The following ZFYVE16 variants were observed in gnomAD, a reference collection of about 807,000 sequenced individuals.
ZFYVE16 encodes zinc finger FYVE domain-containing protein 16.
ZFYVE16 carries 89 observed loss-of-function variants against 138.1 expected under a neutral mutation model. That is an observed-to-expected ratio of 0.64 (90% CI 0.54 to 0.77). The LOEUF (loss-of-function observed/expected upper bound fraction) is 0.77. ZFYVE16 is among the 30% of genes least tolerant of loss of function. ZFYVE16 has a pLI of 0.00. For synonymous variants in ZFYVE16, 596 were observed against 618.3 expected (o/e 0.96, Z 0.53); for missense variants, 1,793 against 1,786.7 (o/e 1.00, Z -0.06).
Position 80,437,262 on chromosome 5 carries a change from A to G in ZFYVE16, c.577A>G (p.Ser193Gly). ...DTVREQQNDI[S>G]SELQNREIGG... Reference sequence around the variant, plus strand: ...TGTCAGAGAACAACAGAATGATATCAGTTCTGAATTACAAAATAGAGAAAT... The same window carrying G: ...TGTCAGAGAACAACAGAATGATATCGGTTCTGAATTACAAAATAGAGAAAT... Residue 193 changes from serine (S) to glycine (G), a missense_variant, in exon 4 of 19, where the codon AGT becomes GGT. Ser to Gly is a moderately conservative substitution (Grantham distance 56). Around this residue, in one of 2 missense-constraint regions of ZFYVE16, gnomAD observed 1,295 missense variants for 1,204.3 expected, o/e 1.08. Coordinates refer to ENST00000505560, the MANE Select transcript of ZFYVE16 (RefSeq NM_001284236.3). The G allele has an allele frequency of 6.2e-7, 1 of 1,612,256 alleles. No individual in the cohort carries two copies. Among genetic ancestry groups the G allele is most frequent in the Non-Finnish European group, 8.5e-7 (1 of 1,179,084 alleles).
chr5:80,409,734 A>G (rs1745147941), intron 1 of ZFYVE16: 1 of 152,228 alleles, frequency 6.6e-6, no homozygotes, highest in African/African-American at 2.4e-5. Flanking sequence ...ACAGATACGT[A>G]GCAGGAAAAG....
At chr5:80,443,702 T>G (rs764406868) in intron 6 of ZFYVE16, 52 of 456,574 alleles carry the variant, frequency 1.1e-4, no homozygotes, top group Admixed American at 7.5e-4. Context: ...CTAGCAGCTG[T>G]ATCTGTTGGT....
At chr5:80,467,558 T>A (rs77255051) in intron 15 of ZFYVE16, among the ~76,000 whole-genome samples, 26,326 of 152,238 alleles carry the variant, frequency 0.17, 2,958 homozygotes, top group Non-Finnish European at 0.25. Context: ...TGACTACATA[T>A]GTATGACAAA....
intron 15 of ZFYVE16, among the ~76,000 whole-genome samples, chr5:80,462,910 TCTC>T (rs564114772): frequency 1.3e-4 from 20 of 152,208 alleles, no homozygotes; most frequent in Non-Finnish European, 1.9e-4. Context: ...TCTGAAATGA[TCTC>T]CTTTGACTCC....
chr5:80,448,462 A>T (rs1751635192), intron 8 of ZFYVE16, 58 bp downstream of exon 8: 3 of 1,356,624 alleles, frequency 2.2e-6, no homozygotes, highest in Non-Finnish European at 2.9e-6. Flanking sequence ...GATGAATTTT[A>T]TCTGTGACAT....
chr5:80,438,211 A>G lies in ZFYVE16; in HGVS notation c.1526A>G (p.Asp509Gly), dbSNP rs1250835018. 1 of 1,614,020 alleles carries G rather than the reference A, an allele frequency of 6.2e-7. No homozygotes were observed. Among genetic ancestry groups the G allele is most frequent in the African/African-American group, 1.3e-5 (1 of 75,034 alleles). Residue 509 changes from aspartate (D) to glycine (G), a missense_variant, in exon 4 of 19, where the codon GAT becomes GGT. Asp to Gly is a moderately conservative substitution (Grantham distance 94). Around this residue, in one of 2 missense-constraint regions of ZFYVE16, gnomAD observed 1,295 missense variants for 1,204.3 expected, o/e 1.08. Coordinates refer to ENST00000505560, the MANE Select transcript of ZFYVE16 (RefSeq NM_001284236.3). The part of the protein sequence containing the change: ...FINTFSSNDM[D>G]GQDLDYFNID... The stretch of plus-strand genomic sequence containing the variant: ...AATACTTTTTCAAGCAATGATATGG[A>G]TGGGCAAGACTTAGATTACTTTAAT...
chr5:80,466,702 T>C (rs1473543677), intron 15 of ZFYVE16, among the ~76,000 whole-genome samples: 1 of 152,196 alleles, frequency 6.6e-6, no homozygotes, highest in Admixed American at 6.5e-5. Flanking sequence ...ACTGAGATAC[T>C]GTGGAGGATG....
chr5:80,440,314 G>A (rs1407835123), intron 5 of ZFYVE16: 1 of 1,060,116 alleles, frequency 9.4e-7, no homozygotes, highest in East Asian at 7.2e-5. Context: ...CTGCCTATTT[G>A]TTTTTGTCAT....
Position 80,436,809 on chromosome 5 carries a change from T to C in ZFYVE16, c.124T>C (p.Ser42Pro), listed in dbSNP as rs989926403. 2 of 1,614,042 alleles carry C rather than the reference T, an allele frequency of 1.2e-6. No homozygotes were observed. The highest frequency in any genetic ancestry group is 8.5e-7 in the Non-Finnish European group (1 of 1,180,026). The change falls in exon 4 of 19, where the codon TCA becomes CCA. Residue 42 changes from serine to proline, a missense_variant. Around this residue, in one of 2 missense-constraint regions of ZFYVE16, gnomAD observed 1,295 missense variants for 1,204.3 expected, o/e 1.08. Coordinates refer to ENST00000505560, the MANE Select transcript of ZFYVE16 (RefSeq NM_001284236.3). ...AAATGCATATGATTCTAACCACTGCTCAGTTTCTTCAGAGTTGGCTTCCTC... is the reference window on the plus strand; with the variant it reads ...AAATGCATATGATTCTAACCACTGCCCAGTTTCTTCAGAGTTGGCTTCCTC... ...VQNAYDSNHC[S>P]VSSELASSQR...
chr5:80,412,557 C>A (rs1195785101), intron 1 of ZFYVE16, among the ~76,000 whole-genome samples: 2 of 152,020 alleles, frequency 1.3e-5, no homozygotes, highest in African/African-American at 4.8e-5. Context: ...ATACCTTTTA[C>A]AAATTATATT....
intron 2 of ZFYVE16, among the ~76,000 whole-genome samples, chr5:80,432,114 C>T (rs10942925): frequency 0.79 from 120,671 of 152,060 alleles, 50,320 homozygotes; most frequent in East Asian, 0.92. Context: ...CAAAAAAGGG[C>T]CCGCATTGCC....
intron 1 of ZFYVE16, chr5:80,409,917 G>T (rs1399023281): frequency 6.6e-6 from 1 of 152,186 alleles, no homozygotes; most frequent in Non-Finnish European, 1.5e-5. Context: ...GTTTTCTGGT[G>T]TATGCGTGCT....
chr5:80,436,350 A>G (rs1006230295), intron 3 of ZFYVE16, among the ~76,000 whole-genome samples: 1 of 152,224 alleles, frequency 6.6e-6, no homozygotes, highest in Non-Finnish European at 1.5e-5. Context: ...AAACAAAGCA[A>G]AGATCAAGGA....
At chr5:80,465,649 T>G (rs1464659057) in intron 15 of ZFYVE16, among the ~76,000 whole-genome samples, 1 of 151,908 alleles carries the variant, frequency 6.6e-6, no homozygotes, top group Non-Finnish European at 1.5e-5. Context: ...GCTCAAGCAT[T>G]CCTCCTGCCT....
chr5:80,475,344 G>A (rs753880109), intron 18 of ZFYVE16, among the ~76,000 whole-genome samples: 5 of 152,232 alleles, frequency 3.3e-5, no homozygotes, highest in Non-Finnish European at 7.3e-5. Context: ...TTTGCGGAGA[G>A]CAGCATTCAC....
chr5:80,465,310 T>C (rs1443111265), intron 15 of ZFYVE16, among the ~76,000 whole-genome samples: 1 of 151,626 alleles, frequency 6.6e-6, no homozygotes, highest in South Asian at 2.1e-4. Context: ...ACATAAACTT[T>C]CTGGTTAACA....
Position 80,437,964 on chromosome 5 carries a change from C to T in ZFYVE16, c.1279C>T (p.Pro427Ser). ...GAACAGTGTTGTTCTAGGTGGGGAA[C>T]CATTCAAAGAGAATGATCTTTTGAA... Reference protein sequence around the residue: ...IQNSVVLGGEPFKENDLLKQE... With the variant: ...IQNSVVLGGESFKENDLLKQE... Residue 427 changes from proline to serine, a missense_variant, in exon 4 of 19, where the codon CCA becomes TCA. Physicochemically the swap from Pro to Ser is moderately conservative, Grantham distance 74. Coordinates refer to ENST00000505560, the MANE Select transcript of ZFYVE16 (RefSeq NM_001284236.3). The T allele has an allele frequency of 6.2e-7, 1 of 1,613,818 alleles. No homozygotes were observed. The highest frequency in any genetic ancestry group is 8.5e-7 in the Non-Finnish European group (1 of 1,179,904).
chr5:80,451,344 G>A (rs1751969518), intron 10 of ZFYVE16, 141 bp from the exon 11 acceptor site: 1 of 599,616 alleles, frequency 1.7e-6, no homozygotes, highest in South Asian at 2.6e-5. Context: ...AAAATCTATA[G>A]TGTCTTAACT....
intron 5 of ZFYVE16, chr5:80,441,164 T>C: frequency 1.0e-6 from 1 of 985,480 alleles, no homozygotes; most frequent in Non-Finnish European, 1.2e-6. Context: ...TCAGAAATTT[T>C]AGAGCAAGCT....
Sources: allele counts gnomAD v4.1 joint callset (sites outside exome capture counted in the v4.1 genomes callset), GRCh38; gene constraint gnomAD v4.1.1; regional missense constraint gnomAD v4.1.1; transcripts MANE v1.5; gene names NCBI Gene and HGNC (gene_info 2026-07-23, HGNC 2026-07-21).